Variants in SATB1 observed in about 807,000 individuals in gnomAD.
SATB1 encodes the protein SATB homeobox 1.
SATB1 carries 11 observed loss-of-function variants against 86.9 expected under a neutral mutation model. That is an observed-to-expected ratio of 0.13 (90% confidence interval 0.08 to 0.21). SATB1 has a LOEUF of 0.21. SATB1 is among the 10% of genes least tolerant of loss of function. The pLI is 1.00. For synonymous variants in SATB1, 357 were observed against 357.2 expected, an observed-to-expected ratio of 1.00 and a Z score of 0.01; for missense variants, 551 against 937.6, an observed-to-expected ratio of 0.59 and a Z score of 5.39.
Position 18,394,902 on chromosome 3 carries a change from G to A in SATB1, c.766C>T (p.Leu256Phe), listed in dbSNP as rs1453655960. The part of the protein sequence containing the change: ...TKDMMVEMDS[L>F]SELSQQGANH... ...GCGCCTTGCTGGGATAGCTCAGAAA[G>A]ACTATCCATTTCAACTAAAGTGGAC... The change falls in exon 7 of 11, where the codon CTT becomes TTT. Residue 256 changes from leucine to phenylalanine, a missense_variant. By Grantham distance (22) the Leu-to-Phe change is conservative. Around this residue, in one of 8 missense-constraint regions of SATB1, gnomAD observed 119 missense variants for 171.1 expected, o/e 0.70. Transcript: ENST00000338745. This position sits in a 1 kb window ranked among gnomAD's most constrained non-coding sequence, Gnocchi z 5.9. 4 of 1,592,890 alleles carry A rather than the reference G, an allele frequency of 2.5e-6. No individual in the cohort carries two copies. In the Admixed American group the frequency reaches 5.1e-5, roughly 20 times the overall value.
rs776544113 is a variant in SATB1 at position 18,352,227 on chromosome 3, T to C, written c.1576-32A>G. On this transcript the variant is annotated intron_variant, in intron 9 of 10. Transcript: ENST00000338745. This position sits in a 1 kb window ranked among gnomAD's most constrained non-coding sequence, Gnocchi z 4.1. The stretch of plus-strand genomic sequence containing the variant: ...GACAAGGGCATAATAGGTCAGTTTG[T>C]GCCTATGAGAGGGGCTGGCATTTTC... 2.5e-6 allele frequency: 4 copies of C among 1,602,934 alleles called. No homozygotes were observed. In the South Asian group the frequency reaches 4.4e-5, roughly 18 times the overall value.
At chr3:18,380,267 T>C (rs1480880444) in intron 8 of SATB1, among the ~76,000 whole-genome samples, 1 of 152,224 alleles carries the variant, frequency 6.6e-6, no homozygotes, top group Non-Finnish European at 1.5e-5. Context: ...TTGGTAGCAA[T>C]CTGCTAAGCA....
upstream of SATB1, among the ~76,000 whole-genome samples, chr3:18,442,231 T>A (rs913957221): frequency 1.3e-5 from 2 of 151,706 alleles, no homozygotes; most frequent in African/African-American, 4.8e-5. Flanking sequence ...AGGAGGGAAA[T>A]CCCTATTCGT....
rs35192555 is a variant in SATB1, at chr3:18,389,261, G to GTTTT, written c.1207-2654_1207-2651dup. Among the ~76,000 whole-genome samples, 155 of 129,692 alleles carry GTTTT rather than the reference G, an allele frequency of 1.2e-3. 1 individual carries two copies. The highest frequency in any genetic ancestry group is 1.9e-3 in the Non-Finnish European group (116 of 62,222). 85.1% of individuals were successfully genotyped at this position (129,692 alleles called of 152,430 possible). On this transcript the variant is annotated intron_variant, in intron 7 of 10. Coordinates refer to ENST00000338745, the MANE Select transcript of SATB1 (RefSeq NM_002971.6). ...TCTCAGGTGTTTCAGAAACCTTTGG[G>GTTTT]TTTTTTTTTTTTTTTTTTTGGCCCA... is the stretch of plus-strand genomic sequence containing the variant.
chr3:18,412,490 T>A (rs978580826), intron 5 of SATB1, among the ~76,000 whole-genome samples: 2 of 152,082 alleles, frequency 1.3e-5, no homozygotes, highest in African/African-American at 4.8e-5. Context: ...GAGTACTTTA[T>A]CATATTCAAC....
In SATB1 at chr3:18,362,871, A is replaced by AC. The variant is rs1417068041; in HGVS notation, c.1576-10677_1576-10676insG. Among the ~76,000 whole-genome samples, 130 of 142,418 alleles carry AC rather than the reference A, an allele frequency of 9.1e-4. 1 individual carries two copies. The highest frequency in any genetic ancestry group is 1.3e-3 in the Non-Finnish European group (84 of 66,864). The allele number at this position is 142,418 out of a possible 152,430, so 93.4% of individuals were successfully genotyped here. A position where few individuals can be genotyped will look rare whatever the true frequency, so the allele number is the denominator to read the frequency against. On this transcript the variant is annotated intron_variant, in intron 9 of 10. Transcript: ENST00000338745. ...ATATATGCCATGTGCAAAAAAAAAA[A>AC]AAAAAAAAAACCAAAACCCCAAATA...
chr3:18,351,576 G>A, intron 10 of SATB1: 1 of 591,624 alleles, frequency 1.7e-6, no homozygotes, highest in Non-Finnish European at 2.9e-6. Flanking sequence ...GTATAAAATT[G>A]TGATTCTACA....
chr3:18,356,735 C>T (rs1487768444), intron 9 of SATB1, among the ~76,000 whole-genome samples: 1 of 151,824 alleles, frequency 6.6e-6, no homozygotes. Flanking sequence ...CAAGTCAATT[C>T]GCTTCTAACA....
intron 9 of SATB1, among the ~76,000 whole-genome samples, chr3:18,375,500 T>A (rs769615898): frequency 2.6e-5 from 4 of 152,200 alleles, no homozygotes; most frequent in Non-Finnish European, 5.9e-5. Context: ...CTTGGGGGAC[T>A]GCTGCCTCAT....
At chr3:18,401,386 C>CA (rs1697257451) in intron 5 of SATB1, among the ~76,000 whole-genome samples, 1 of 152,050 alleles carries the variant, frequency 6.6e-6, no homozygotes, top group Admixed American at 6.6e-5. Context: ...CATTAATTTG[C>CA]AAGAGATCCC....
intron 9 of SATB1, among the ~76,000 whole-genome samples, chr3:18,373,871 A>G (rs900835962): frequency 1.6e-4 from 25 of 152,284 alleles, no homozygotes; most frequent in Non-Finnish European, 3.2e-4. Flanking sequence ...ATACCTATTC[A>G]TCAGCCAAAG....
chr3:18,372,582 T>C (rs1024926695), intron 9 of SATB1, among the ~76,000 whole-genome samples: 7 of 152,194 alleles, frequency 4.6e-5, no homozygotes, highest in Non-Finnish European at 1.0e-4. Context: ...TTAATAATTC[T>C]GGACCTCACA....
chr3:18,415,801 T>G lies in SATB1; in HGVS notation c.515+206A>C, dbSNP rs532481344. 1.5e-4 allele frequency among the ~76,000 whole-genome samples: 23 copies of G among 151,946 alleles called. No individual in the cohort carries two copies. The East Asian group carries it at 2.1e-3, about 14-fold the overall frequency. On this transcript the variant is annotated intron_variant, in intron 4 of 10. Coordinates refer to ENST00000338745, the MANE Select transcript of SATB1 (RefSeq NM_002971.6). ...TAACCTGCACAAACCTACACATTTTTTGTGTGTGTGGGGGGGGGGATTGCT... is the reference window on the plus strand; with the variant it reads ...TAACCTGCACAAACCTACACATTTTGTGTGTGTGTGGGGGGGGGGATTGCT...
At chr3:18,413,318 C>T (rs926710360) in intron 5 of SATB1, among the ~76,000 whole-genome samples, 2 of 152,062 alleles carry the variant, frequency 1.3e-5, no homozygotes, top group African/African-American at 4.8e-5. Flanking sequence ...TTAGTTCTCA[C>T]TGACTGTATC....
upstream of SATB1, among the ~76,000 whole-genome samples, chr3:18,440,649 T>C (rs967669857): frequency 1.3e-5 from 2 of 152,218 alleles, no homozygotes; most frequent in African/African-American, 4.8e-5. Flanking sequence ...TACTGAAGCC[T>C]GATGCTCATC....
In SATB1 at chr3:18,352,359, G is replaced by T; in HGVS notation, c.1576-164C>A. Reference sequence around the variant, plus strand: ...TTTAACTTGTTAAGAGAGGTTATCTGTGGCTGTCAAGGAGGCAGACTCTGT... The same window carrying T: ...TTTAACTTGTTAAGAGAGGTTATCTTTGGCTGTCAAGGAGGCAGACTCTGT... On this transcript the variant is annotated intron_variant, in intron 9 of 10. Coordinates refer to ENST00000338745, the MANE Select transcript of SATB1 (RefSeq NM_002971.6). This position sits in a 1 kb window ranked among gnomAD's most constrained non-coding sequence, Gnocchi z 4.1. The T allele has an allele frequency of 1.6e-6, 1 of 606,456 alleles. No individual in the cohort carries two copies. Among genetic ancestry groups the T allele is most frequent in the Non-Finnish European group, 2.9e-6 (1 of 347,856 alleles). The allele number at this position is 606,456 out of a possible 1,614,324, so 37.6% of individuals were successfully genotyped here.
chr3:18,374,715 G>A (rs994139257), intron 9 of SATB1, among the ~76,000 whole-genome samples: 4 of 152,046 alleles, frequency 2.6e-5, no homozygotes, highest in Admixed American at 1.3e-4. Context: ...TTCTTTTACC[G>A]AAAATACACT....
intron 1 of SATB1, among the ~76,000 whole-genome samples, chr3:18,422,458 C>T (rs1698440834): frequency 6.6e-6 from 1 of 152,148 alleles, no homozygotes; most frequent in Non-Finnish European, 1.5e-5. Flanking sequence ...TCTTTGTACT[C>T]CAGAGTGGCA....
chr3:18,382,445 G>A (rs1447267127), intron 8 of SATB1, among the ~76,000 whole-genome samples: 1 of 152,084 alleles, frequency 6.6e-6, no homozygotes, highest in African/African-American at 2.4e-5. Context: ...ATTTTAAAAA[G>A]TATACCCTTA....
Sources: gnomAD v4.1 joint callset for allele counts (sites outside exome capture counted in the v4.1 genomes callset) on GRCh38, gnomAD v4.1.1 for gene constraint, gnomAD v4.1.1 regional missense constraint, Gnocchi (gnomAD v3.1) non-coding constraint, MANE v1.5 for transcripts, NCBI Gene and HGNC (gene_info 2026-07-23, HGNC 2026-07-21) for gene names.